NLRC4: variants seen among roughly 807,000 people sequenced by gnomAD.
The protein encoded by NLRC4 is NLR family CARD domain containing 4, also known as NLR family CARD domain-containing protein 4.
Under a neutral mutation model 79.9 loss-of-function variants are expected in NLRC4, and 63 were observed. The ratio of observed to expected loss-of-function variants is 0.79; its 90% CI spans 0.64 to 0.97. NLRC4 has a LOEUF of 0.97. Among genes scored for constraint, NLRC4 ranks in the 50% least tolerant of loss-of-function variants. NLRC4 has a pLI of 0.00. For synonymous variants in NLRC4, 461 were observed against 456.5 expected (o/e 1.01, Z -0.12); for missense variants, 1,074 against 1,215.2 (o/e 0.88, Z 1.73).
chr2:32,237,930 T>C (rs1378419666), intron 6 of NLRC4, among the ~76,000 whole-genome samples: 1 of 152,250 alleles, frequency 6.6e-6, no homozygotes, highest in Non-Finnish European at 1.5e-5. Context: ...TCTGAAATTC[T>C]CCCCTATTAT....
intron 4 of NLRC4, among the ~76,000 whole-genome samples, chr2:32,245,307 T>C (rs1686906946): frequency 1.5e-5 from 1 of 68,608 alleles, no homozygotes; most frequent in African/African-American, 7.0e-5. Flanking sequence ...TGAGACTCCT[T>C]CTCAAAAAAA....
chr2:32,262,147 C>T (rs1023163543), intron 1 of NLRC4, among the ~76,000 whole-genome samples: 1 of 151,994 alleles, frequency 6.6e-6, no homozygotes, highest in African/African-American at 2.4e-5. Flanking sequence ...TAAGCAAGGG[C>T]ACATTTTGGT....
At chr2:32,261,302 A>G (rs1484326557) in intron 1 of NLRC4, among the ~76,000 whole-genome samples, 3 of 111,640 alleles carry the variant, frequency 2.7e-5, no homozygotes, top group Non-Finnish European at 5.7e-5. Context: ...TCTTTCGCCT[A>G]TTAAGCCTCC....
Position 32,251,136 on chromosome 2 carries a change from A to G in NLRC4, c.728T>C (p.Val243Ala). 6.2e-7 allele frequency: 1 copy of G among 1,614,114 alleles called. No individual in the cohort carries two copies. The highest frequency in any genetic ancestry group is 8.5e-7 in the Non-Finnish European group (1 of 1,180,006). ...ATTGTAGCCATCAAGAAGGAAAAGA[A>G]CCCTCTGCCGCAGCTTCAGCAGCAT... ...MAMLLKLRQR[V>A]LFLLDGYNEF... The change falls in exon 4 of 9, where the codon GTT (valine) becomes GCT (alanine). Residue 243 changes from valine (V) to alanine (A), a missense_variant. Physicochemically the swap from Val to Ala is moderately conservative, Grantham distance 64. Transcript: ENST00000402280.
At chr2:32,225,458 A>T (rs1686364477) in intron 8 of NLRC4, among the ~76,000 whole-genome samples, 1 of 151,238 alleles carries the variant, frequency 6.6e-6, no homozygotes, top group Non-Finnish European at 1.5e-5. Flanking sequence ...TACATACACA[A>T]ATAGTTTAGT....
intron 8 of NLRC4, among the ~76,000 whole-genome samples, chr2:32,233,172 G>C (rs1558446972): frequency 1.0e-5 from 1 of 98,662 alleles, no homozygotes; most frequent in East Asian, 3.2e-4. Context: ...AAGGAAGGAA[G>C]GAAGGAAGGA....
intron 3 of NLRC4, among the ~76,000 whole-genome samples, chr2:32,251,860 C>G (rs1687086738): frequency 6.6e-6 from 1 of 152,036 alleles, no homozygotes; most frequent in Admixed American, 6.6e-5. Context: ...AAGGGAGGAG[C>G]TTGTTTTTGG....
upstream of NLRC4, chr2:32,264,901 GC>G (rs1687432984): frequency 6.6e-6 from 1 of 151,934 alleles, no homozygotes; most frequent in Non-Finnish European, 1.5e-5. Flanking sequence ...GAACTGCTGA[GC>G]AGTTCCTTTT....
chr2:32,258,447 C>G (rs760067754), intron 1 of NLRC4, among the ~76,000 whole-genome samples: 1 of 152,184 alleles, frequency 6.6e-6, no homozygotes, highest in Non-Finnish European at 1.5e-5. Flanking sequence ...CTGTCCTCAC[C>G]TAGGTCCGTG....
chr2:32,238,800 T>C (rs566187525), intron 5 of NLRC4, among the ~76,000 whole-genome samples: 1 of 152,244 alleles, frequency 6.6e-6, no homozygotes, highest in East Asian at 1.9e-4. Context: ...GAAGACCACA[T>C]CCACTGCAGC....
intron 8 of NLRC4, among the ~76,000 whole-genome samples, chr2:32,227,678 C>CTTA (rs1446425504): frequency 3.9e-5 from 6 of 152,192 alleles, no homozygotes; most frequent in African/African-American, 1.4e-4. Flanking sequence ...GTATAAGGAT[C>CTTA]TTATCATCAA....
At position 32,236,330 on chromosome 2, in the gene NLRC4, A is replaced by C; in HGVS notation, c.2531T>G (p.Leu844Arg). ...ANAVKILAQN[L>R]HNLVKLSILD... ...AATGCTCAGTTTGACCAAATTGTGA[A>C]GATTCTGAGCTGGGGAAAAAAAGTA... Residue 844 changes from leucine to arginine, a missense_variant, in exon 7 of 9, where the codon CTT (leucine) becomes CGT (arginine). Leu to Arg is a moderately radical substitution (Grantham distance 102). Coordinates refer to ENST00000402280, the MANE Select transcript of NLRC4 (RefSeq NM_001199138.2). 1 of 1,602,218 alleles carries C rather than the reference A, an allele frequency of 6.2e-7. No individual in the cohort carries two copies. The highest frequency in any genetic ancestry group is 1.7e-4 in the Middle Eastern group (1 of 6,006).
chr2:32,236,809 T>C (rs1327586979), intron 6 of NLRC4, among the ~76,000 whole-genome samples: 1 of 152,150 alleles, frequency 6.6e-6, no homozygotes, highest in East Asian at 1.9e-4. Context: ...TTAGATGATT[T>C]TATTGACATA....
chr2:32,231,576 G>GGGT (rs1558446163), intron 8 of NLRC4, among the ~76,000 whole-genome samples: 4 of 117,870 alleles, frequency 3.4e-5, no homozygotes, highest in Non-Finnish European at 7.2e-5. Flanking sequence ...TTTTTTTGTG[G>GGGT]GGGGGGGGTG....
chr2:32,236,548 A>G (rs1686677700), intron 6 of NLRC4, among the ~76,000 whole-genome samples: 1 of 152,186 alleles, frequency 6.6e-6, no homozygotes, highest in African/African-American at 2.4e-5. Flanking sequence ...GCAAATAGTC[A>G]TTGGTCCTAG....
At chr2:32,261,544 T>C (rs1316086709) in intron 1 of NLRC4, among the ~76,000 whole-genome samples, 1 of 148,946 alleles carries the variant, frequency 6.7e-6, no homozygotes, top group Non-Finnish European at 1.5e-5. Flanking sequence ...CCTCCTGATC[T>C]TGTGATCTGC....
intron 1 of NLRC4, among the ~76,000 whole-genome samples, chr2:32,258,065 G>A (rs572811289): frequency 4.5e-4 from 68 of 152,292 alleles, no homozygotes; most frequent in African/African-American, 1.5e-3. Context: ...TGGAGAATGA[G>A]CGCAAGGTTT....
intron 4 of NLRC4, among the ~76,000 whole-genome samples, chr2:32,243,779 CA>C (rs1369757377): frequency 7.0e-6 from 1 of 142,114 alleles, no homozygotes; most frequent in East Asian, 2.0e-4. Context: ...CCTGGTGACA[CA>C]GCAAGATTCC....
At chr2:32,244,528 A>G (rs1686884130) in intron 4 of NLRC4, among the ~76,000 whole-genome samples, 1 of 151,650 alleles carries the variant, frequency 6.6e-6, no homozygotes, top group Non-Finnish European at 1.5e-5. Context: ...TACAAGTCCT[A>G]GTTAGTGAAA....
Sources: gnomAD v4.1 joint callset for allele counts (sites outside exome capture counted in the v4.1 genomes callset) on GRCh38, gnomAD v4.1.1 for gene constraint, MANE v1.5 for transcripts, NCBI Gene and HGNC (gene_info 2026-07-23, HGNC 2026-07-21) for gene names.